NCK1: variants seen among roughly 807,000 people sequenced by gnomAD.
The protein encoded by NCK1 is SH2/SH3 adapter protein NCK1.
A neutral mutation model predicts 36.6 loss-of-function variants in NCK1; 19 were observed. The observed-to-expected ratio is 0.52, with a 90% confidence interval of 0.36 to 0.76. The LOEUF (loss-of-function observed/expected upper bound fraction) is 0.76. NCK1 is among the 30% of genes least tolerant of loss of function. The pLI is 0.00. For synonymous variants in NCK1, 165 were observed against 156.0 expected (o/e 1.06, Z -0.43); for missense variants, 358 against 445.6 (o/e 0.80, Z 1.77).
intron 2 of NCK1, 84 bp from the exon 3 acceptor site, chr3:136,945,499 T>A (rs1940787673): frequency 1.0e-6 from 1 of 975,182 alleles, no homozygotes; most frequent in Admixed American, 2.9e-5. Context: ...GAGTTGAAGA[T>A]CTCTTTTTAA....
chr3:136,873,172 A>T (rs1175380729), intron 1 of NCK1, among the ~76,000 whole-genome samples: 1 of 152,212 alleles, frequency 6.6e-6, no homozygotes, highest in Non-Finnish European at 1.5e-5. Flanking sequence ...GAAAGCAGCC[A>T]GGAGAGAGGC....
At chr3:136,900,719 TC>T (rs1560040921) in intron 1 of NCK1, among the ~76,000 whole-genome samples, 1 of 152,174 alleles carries the variant, frequency 6.6e-6, no homozygotes, top group East Asian at 1.9e-4. Context: ...TTTTTAACAC[TC>T]CCTACTTCAC....
At chr3:136,863,697 A>G (rs1417663584) in intron 1 of NCK1, among the ~76,000 whole-genome samples, 1 of 152,224 alleles carries the variant, frequency 6.6e-6, no homozygotes, top group Non-Finnish European at 1.5e-5. Flanking sequence ...CTCATGTATT[A>G]AATTTTAAAA....
intron 1 of NCK1, among the ~76,000 whole-genome samples, chr3:136,877,330 C>G (rs1169883304): frequency 6.6e-6 from 1 of 151,946 alleles, no homozygotes; most frequent in African/African-American, 2.4e-5. Context: ...AAATGGATTA[C>G]CAAAAAAACT....
At chr3:136,937,841 G>A (rs1282846773) in intron 2 of NCK1, among the ~76,000 whole-genome samples, 2 of 152,088 alleles carry the variant, frequency 1.3e-5, no homozygotes, top group Non-Finnish European at 2.9e-5. Flanking sequence ...GGGTGTGTGT[G>A]TATTCTTTAG....
At chr3:136,891,826 C>T (rs544859005) in intron 1 of NCK1, among the ~76,000 whole-genome samples, 14 of 152,280 alleles carry the variant, frequency 9.2e-5, no homozygotes, top group Admixed American at 7.8e-4. Context: ...TGCTTATTCA[C>T]TGTTTGCATA....
At chr3:136,894,830 A>G (rs1292880183) in intron 1 of NCK1, among the ~76,000 whole-genome samples, 3 of 151,532 alleles carry the variant, frequency 2.0e-5, no homozygotes, top group African/African-American at 7.3e-5. Flanking sequence ...TCTTATTAGT[A>G]CTTTTAATTA....
chr3:136,946,208 T>C lies in NCK1; in HGVS notation c.852T>C (p.Tyr284=), dbSNP rs1320944873. The change falls in exon 3 of 4, where the codon TAT becomes TAC. Residue 284 remains tyrosine (Y), a synonymous_variant. Coordinates refer to ENST00000481752, the MANE Select transcript of NCK1 (RefSeq NM_001291999.2). ...TGKFAGNPWY[Y]GKVTRHQAEM... ...AGTTTGCTGGCAATCCTTGGTATTA[T>C]GGCAAAGTCACCAGGCATCAAGCAG... The C allele has an allele frequency of 3.7e-6, 6 of 1,613,474 alleles. No homozygotes were observed. The highest frequency in any genetic ancestry group is 4.2e-6 in the Non-Finnish European group (5 of 1,179,916).
intron 1 of NCK1, among the ~76,000 whole-genome samples, chr3:136,905,194 G>C (rs1236694192): frequency 3.3e-5 from 5 of 150,948 alleles, no homozygotes; most frequent in Non-Finnish European, 7.4e-5. Context: ...CAATTTTTTT[G>C]TATTCTTTGC....
At chr3:136,919,576 G>C (rs1439713188) in intron 1 of NCK1, among the ~76,000 whole-genome samples, 1 of 152,096 alleles carries the variant, frequency 6.6e-6, no homozygotes, top group Non-Finnish European at 1.5e-5. Context: ...CTTTCTTAGA[G>C]AACTGCTAAT....
chr3:136,921,481 G>A (rs1940108361), intron 1 of NCK1, among the ~76,000 whole-genome samples: 1 of 152,128 alleles, frequency 6.6e-6, no homozygotes, highest in Admixed American at 6.5e-5. Flanking sequence ...GATGTGTGGG[G>A]CTTGAGTGGT....
At chr3:136,875,412 A>G (rs928500712) in intron 1 of NCK1, among the ~76,000 whole-genome samples, 16 of 152,094 alleles carry the variant, frequency 1.1e-4, no homozygotes, top group South Asian at 2.1e-4. Flanking sequence ...TTCCAACACT[A>G]TGTTGAATAG....
chr3:136,865,113 ACGCC>A (rs1299201849), intron 1 of NCK1, among the ~76,000 whole-genome samples: 10 of 151,882 alleles, frequency 6.6e-5, no homozygotes, highest in Non-Finnish European at 1.2e-4. Flanking sequence ...GCCTGCCACC[ACGCC>A]TGACTAATTT....
chr3:136,887,059 G>T (rs1290234161), intron 1 of NCK1, among the ~76,000 whole-genome samples: 1 of 152,042 alleles, frequency 6.6e-6, no homozygotes, highest in Non-Finnish European at 1.5e-5. Context: ...GGCCAGGCTG[G>T]TCTCGAACTC....
At chr3:136,894,341 AC>A (rs1203961155) in intron 1 of NCK1, among the ~76,000 whole-genome samples, 5 of 152,070 alleles carry the variant, frequency 3.3e-5, no homozygotes, top group African/African-American at 1.2e-4. Context: ...TGGTTTCTAA[AC>A]CCGTGCATCT....
intron 1 of NCK1, among the ~76,000 whole-genome samples, chr3:136,923,212 C>T (rs1940157466): frequency 6.6e-6 from 1 of 151,756 alleles, no homozygotes; most frequent in South Asian, 2.1e-4. Context: ...TTCTTGAATA[C>T]TTTCCTTAAA....
chr3:136,918,094 T>A (rs2108118801), intron 1 of NCK1, among the ~76,000 whole-genome samples: 1 of 152,320 alleles, frequency 6.6e-6, no homozygotes, highest in Middle Eastern at 3.4e-3. Context: ...ATAAATTGTT[T>A]ATGTGGAGCA....
chr3:136,907,060 C>T (rs6761993), intron 1 of NCK1, among the ~76,000 whole-genome samples: 95,322 of 151,910 alleles, frequency 0.63, 30,220 homozygotes, highest in East Asian at 0.87. Flanking sequence ...GCCTTGTTAC[C>T]GGGAAGGGTG....
intron 1 of NCK1, among the ~76,000 whole-genome samples, chr3:136,871,463 A>G (rs1938616369): frequency 1.3e-5 from 2 of 152,302 alleles, no homozygotes; most frequent in South Asian, 2.1e-4. Context: ...AACTGCACAA[A>G]TTTAAATGTA....
Sources: allele counts gnomAD v4.1 joint callset (sites outside exome capture counted in the v4.1 genomes callset), GRCh38; gene constraint gnomAD v4.1.1; transcripts MANE v1.5; gene names NCBI Gene and HGNC (gene_info 2026-07-23, HGNC 2026-07-21).